RIT2: variants seen among roughly 807,000 people sequenced by gnomAD.
RIT2 encodes the protein GTP-binding protein Rit2.
Under a neutral mutation model 23.7 loss-of-function variants are expected in RIT2, and 24 were observed. The ratio of observed to expected loss-of-function variants is 1.01; its 90% CI spans 0.73 to 1.43. RIT2 has a LOEUF of 1.43. Among genes scored for constraint, RIT2 ranks in the 40% most tolerant of loss-of-function variants. RIT2 has a pLI of 0.00. For synonymous variants in RIT2, 107 were observed against 91.1 expected, an observed-to-expected ratio of 1.17 and a Z score of -0.99; for missense variants, 236 against 266.9, an observed-to-expected ratio of 0.88 and a Z score of 0.81.
intron 3 of RIT2, among the ~76,000 whole-genome samples, chr18:42,935,913 G>A (rs1314807809): frequency 6.6e-6 from 1 of 151,946 alleles, no homozygotes; most frequent in East Asian, 1.9e-4. Context: ...CCATTTAGAG[G>A]CCAGAGTGGA....
intron 4 of RIT2, among the ~76,000 whole-genome samples, chr18:42,823,132 C>T (rs1196825746): frequency 6.6e-6 from 1 of 152,094 alleles, no homozygotes; most frequent in Non-Finnish European, 1.5e-5. Flanking sequence ...AACTCTAATG[C>T]CTGCTTTGTG....
At chr18:43,084,688 C>A (rs1913240753) in intron 1 of RIT2, among the ~76,000 whole-genome samples, 1 of 152,040 alleles carries the variant, frequency 6.6e-6, no homozygotes, top group African/African-American at 2.4e-5. Context: ...ACAATGAGAA[C>A]ACATGGACAC....
At chr18:42,831,293 A>C (rs1301537417) in intron 4 of RIT2, among the ~76,000 whole-genome samples, 1 of 152,194 alleles carries the variant, frequency 6.6e-6, no homozygotes, top group Non-Finnish European at 1.5e-5. Flanking sequence ...TCTCATAAAG[A>C]TAGTTTTATA....
intron 2 of RIT2, among the ~76,000 whole-genome samples, chr18:43,024,478 A>G (rs1452465267): frequency 6.6e-6 from 1 of 152,088 alleles, no homozygotes; most frequent in Non-Finnish European, 1.5e-5. Flanking sequence ...AAAACTAAGA[A>G]AAACTCTTTT....
chr18:42,998,126 A>G (rs920190405), intron 2 of RIT2, among the ~76,000 whole-genome samples: 3 of 152,108 alleles, frequency 2.0e-5, no homozygotes, highest in Admixed American at 2.0e-4. Context: ...TGTTCTCTTA[A>G]TAAACCATGG....
At position 42,787,168 on chromosome 18, in the gene RIT2, G is replaced by C. The variant is rs549400429; in HGVS notation, c.427-43448C>G. Among the ~76,000 whole-genome samples the C allele has an allele frequency of 2.2e-3, 270 of 123,676 alleles. 2 individuals carry two copies. Among genetic ancestry groups the C allele is most frequent in the African/African-American group, 8.4e-3 (261 of 30,904 alleles). 81.1% of individuals were successfully genotyped at this position (123,676 alleles called of 152,430 possible). A position where few individuals can be genotyped will look rare whatever the true frequency, so the allele number is the denominator to read the frequency against. On this transcript the variant is annotated intron_variant, in intron 4 of 4. Coordinates refer to ENST00000326695, the MANE Select transcript of RIT2 (RefSeq NM_002930.4). Reference sequence around the variant, plus strand: ...CGACAGGCTCCTGTGTGTGATGTTTGCCTTCCTGTGTCCCAGTGTTCTCAT... The same window carrying C: ...CGACAGGCTCCTGTGTGTGATGTTTCCCTTCCTGTGTCCCAGTGTTCTCAT...
At chr18:43,114,306 C>T (rs1914018277) in intron 1 of RIT2, among the ~76,000 whole-genome samples, 1 of 152,020 alleles carries the variant, frequency 6.6e-6, no homozygotes, top group African/African-American at 2.4e-5. Flanking sequence ...ATGTTTCTTA[C>T]TATCTTTAAC....
At chr18:42,852,882 G>A (rs1907093599) in intron 4 of RIT2, among the ~76,000 whole-genome samples, 1 of 147,252 alleles carries the variant, frequency 6.8e-6, no homozygotes, top group African/African-American at 2.5e-5. Context: ...CTCCCAGGCT[G>A]GAATGCAGTG....
At chr18:42,934,339 T>C (rs999673677) in intron 3 of RIT2, among the ~76,000 whole-genome samples, 1 of 152,190 alleles carries the variant, frequency 6.6e-6, no homozygotes, top group African/African-American at 2.4e-5. Flanking sequence ...AATTTTAGAA[T>C]CATTTTGATC....
chr18:43,091,613 G>T (rs970755550), intron 1 of RIT2, among the ~76,000 whole-genome samples: 2 of 152,026 alleles, frequency 1.3e-5, no homozygotes, highest in African/African-American at 2.4e-5. Flanking sequence ...TGAGCCACAT[G>T]TGCCTCAGAT....
At chr18:42,887,067 A>T in intron 4 of RIT2, among the ~76,000 whole-genome samples, 1 of 152,288 alleles carries the variant, frequency 6.6e-6, no homozygotes, top group Non-Finnish European at 1.5e-5. Flanking sequence ...TTTGTTTAAG[A>T]ACAATTATTT....
chr18:42,938,176 T>C (rs1598722614), intron 3 of RIT2, among the ~76,000 whole-genome samples: 1 of 152,156 alleles, frequency 6.6e-6, no homozygotes, highest in Non-Finnish European at 1.5e-5. Context: ...TTTGAAAGTT[T>C]TAAGTGAGAA....
chr18:42,854,138 C>T (rs1907123505), intron 4 of RIT2, among the ~76,000 whole-genome samples: 1 of 152,140 alleles, frequency 6.6e-6, no homozygotes, highest in Non-Finnish European at 1.5e-5. Context: ...AGGACAAGGA[C>T]CATGTCTTAC....
chr18:42,851,942 C>T (rs995884339), intron 4 of RIT2, among the ~76,000 whole-genome samples: 4 of 152,142 alleles, frequency 2.6e-5, no homozygotes, highest in East Asian at 1.9e-4. Context: ...TCTGAAGAGG[C>T]GACAGTTTGC....
At chr18:42,962,367 T>C (rs1910112610) in intron 3 of RIT2, among the ~76,000 whole-genome samples, 1 of 152,210 alleles carries the variant, frequency 6.6e-6, no homozygotes, top group South Asian at 2.1e-4. Flanking sequence ...TTTGAGGGCA[T>C]GAGTGTATAA....
intron 1 of RIT2, among the ~76,000 whole-genome samples, chr18:43,105,488 G>A (rs1341313355): frequency 2.9e-5 from 4 of 137,372 alleles, no homozygotes; most frequent in African/African-American, 8.2e-5. Context: ...AAGGGAGGAA[G>A]GGAGGAAGAA....
At chr18:42,920,683 G>A (rs764944906) in intron 4 of RIT2, 49 of 1,567,568 alleles carry the variant, frequency 3.1e-5, no homozygotes, top group Non-Finnish European at 4.2e-5. Flanking sequence ...AAGAATACAG[G>A]CACCTATTCT....
intron 4 of RIT2, among the ~76,000 whole-genome samples, chr18:42,921,266 G>A (rs1909049597): frequency 6.6e-6 from 1 of 152,114 alleles, no homozygotes; most frequent in Admixed American, 6.6e-5. Context: ...CATTACTGGA[G>A]ACAGTGGTAC....
chr18:42,924,104 T>G (rs1235417117), intron 3 of RIT2, among the ~76,000 whole-genome samples: 2 of 152,096 alleles, frequency 1.3e-5, no homozygotes, highest in Non-Finnish European at 2.9e-5. Flanking sequence ...TCACTCCCTA[T>G]TTATTGGAAC....
Sources: allele counts gnomAD v4.1 joint callset (sites outside exome capture counted in the v4.1 genomes callset), GRCh38; gene constraint gnomAD v4.1.1; transcripts MANE v1.5; gene names NCBI Gene and HGNC (gene_info 2026-07-23, HGNC 2026-07-21).